The following PTCD2 variants were observed in gnomAD, a reference collection of about 807,000 sequenced individuals.
The protein encoded by PTCD2 is pentatricopeptide repeat-containing protein 2, mitochondrial.
In PTCD2, 31 loss-of-function variants were observed where a neutral mutation model predicts 42.6. The observed-to-expected ratio is 0.73, with a 90% CI of 0.55 to 0.98. PTCD2 has a LOEUF of 0.98. Ranked by LOEUF, PTCD2 falls within the 50% of genes least tolerant of loss-of-function variation. The pLI, the probability that PTCD2 is intolerant of heterozygous loss-of-function variation, is 0.00. For missense variants in PTCD2, 476 were observed against 454.8 expected, an observed-to-expected ratio of 1.05 and a Z score of -0.42; for synonymous variants, 183 against 170.9, an observed-to-expected ratio of 1.07 and a Z score of -0.55.
chr5:72,325,196 T>C (rs774114681), intron 2 of PTCD2, among the ~76,000 whole-genome samples: 47 of 152,222 alleles, frequency 3.1e-4, no homozygotes, highest in Non-Finnish European at 3.4e-4. Flanking sequence ...GTGCTGGGAT[T>C]ACAGGCCTGA....
At chr5:72,346,267 C>T (rs1231461143) in intron 8 of PTCD2, among the ~76,000 whole-genome samples, 1 of 152,088 alleles carries the variant, frequency 6.6e-6, no homozygotes, top group Non-Finnish European at 1.5e-5. Flanking sequence ...AGGGCATAAA[C>T]TTGGAGGGCA....
Position 72,358,293 on chromosome 5 carries a change from G to C in PTCD2, c.1033G>C (p.Val345Leu), listed in dbSNP as rs1262168410. The C allele has an allele frequency of 6.2e-7, 1 of 1,614,004 alleles. No individual in the cohort carries two copies. The highest frequency in any genetic ancestry group is 8.5e-7 in the Non-Finnish European group (1 of 1,179,936). Residue 345 changes from valine (V) to leucine (L), a missense_variant, in exon 10 of 10, where the codon GTC (valine) becomes CTC (leucine). By Grantham distance (32) the Val-to-Leu change is conservative. Transcript: ENST00000380639. ...IYGTLHITGQ[V>L]TTDSLDAVLC... ...TGGGACACTGCACATCACTGGCCAG[G>C]TCACCACTGATTCTTTGGATGCTGT...
intron 2 of PTCD2, among the ~76,000 whole-genome samples, chr5:72,323,645 C>G (rs919120550): frequency 1.3e-5 from 2 of 151,962 alleles, no homozygotes; most frequent in African/African-American, 4.8e-5. Flanking sequence ...CATTAACATT[C>G]TCTTTGTTTT....
In PTCD2 at chr5:72,335,846, AGATACCTAT is replaced by A; in HGVS notation, c.602_610del (p.Asp201_Tyr203del). On this transcript the variant is annotated inframe_deletion, in exon 6 of 10. Coordinates refer to ENST00000380639, the MANE Select transcript of PTCD2 (RefSeq NM_024754.5). ...AAAACCAAGATGTGAAGTTCACCAAAGATACCTATGTTCTTGCTTTTGCAATTTGCTACA... is the reference window on the plus strand; with the variant it reads ...AAAACCAAGATGTGAAGTTCACCAAAGTTCTTGCTTTTGCAATTTGCTACA... 1 of 1,613,940 alleles carries A rather than the reference AGATACCTAT, an allele frequency of 6.2e-7. No individual in the cohort carries two copies. The highest frequency in any genetic ancestry group is 8.5e-7 in the Non-Finnish European group (1 of 1,179,802).
At chr5:72,344,481 C>T (rs1262799220) in intron 8 of PTCD2, among the ~76,000 whole-genome samples, 1 of 152,090 alleles carries the variant, frequency 6.6e-6, no homozygotes, top group East Asian at 1.9e-4. Flanking sequence ...CCACTACACT[C>T]CAGCCTTGGC....
chr5:72,339,986 G>A (rs1476293), intron 7 of PTCD2, among the ~76,000 whole-genome samples: 103,553 of 151,964 alleles, frequency 0.68, 36,544 homozygotes, highest in African/African-American at 0.87. Flanking sequence ...TTTTAGCTTT[G>A]TCTCTTATAT....
intron 7 of PTCD2, among the ~76,000 whole-genome samples, chr5:72,342,535 T>C (rs1207019770): frequency 6.6e-6 from 1 of 152,228 alleles, no homozygotes; most frequent in Non-Finnish European, 1.5e-5. Flanking sequence ...TATAGAGCAC[T>C]GTCTGCCTCT....
In PTCD2 at chr5:72,358,360, T is replaced by C. The variant is rs373812659; in HGVS notation, c.1100T>C (p.Leu367Pro). 7.4e-6 allele frequency: 12 copies of C among 1,613,912 alleles called. 1 individual carries two copies. In the Admixed American group the frequency reaches 1.0e-4, roughly 13 times the overall value. ...TPRDRKSHTL[L>P]LNKRMVSRRT... ...AGGGACAGGAAATCTCACACGTTGC[T>C]ATTAAACAAGAGGATGGTCAGCCGT... The change falls in exon 10 of 10, where the codon CTA becomes CCA. Residue 367 changes from leucine (L) to proline (P), a missense_variant. Transcript: ENST00000380639.
At chr5:72,345,341 G>C (rs888600968) in intron 8 of PTCD2, among the ~76,000 whole-genome samples, 12 of 152,188 alleles carry the variant, frequency 7.9e-5, no homozygotes, top group Admixed American at 7.9e-4. Flanking sequence ...CTGTTATCCT[G>C]TTCTTTTTTC....
At position 72,362,885 on chromosome 5, in the gene PTCD2, G is replaced by T; in HGVS notation, c.*4458G>T. 6.6e-6 allele frequency: 1 copy of T among 152,202 alleles called. No individual in the cohort carries two copies. Among genetic ancestry groups the T allele is most frequent in the Non-Finnish European group, 1.5e-5 (1 of 68,032 alleles). The allele number at this position is 152,202 out of a possible 1,614,324, so 9.4% of individuals were successfully genotyped here. A position where few individuals can be genotyped will look rare whatever the true frequency, so the allele number is the denominator to read the frequency against. On this transcript the variant is annotated 3_prime_UTR_variant, in exon 10 of 10. Transcript: ENST00000380639. ...ACAGAGTGGCCAAATTCCTACTGAA[G>T]AATGGACTTGGTTGTGAAATAAAAC... is the stretch of plus-strand genomic sequence containing the variant.
chr5:72,329,144 A>G (rs1369987684), intron 3 of PTCD2, among the ~76,000 whole-genome samples: 1 of 152,188 alleles, frequency 6.6e-6, no homozygotes, highest in Non-Finnish European at 1.5e-5. Context: ...TTCTACTCTT[A>G]TTTTTATCAT....
intron 3 of PTCD2, among the ~76,000 whole-genome samples, chr5:72,327,482 T>G (rs1751208577): frequency 6.6e-6 from 1 of 151,422 alleles, no homozygotes; most frequent in East Asian, 1.9e-4. Flanking sequence ...ATTTTTTTTT[T>G]TTTTTTTGAG....
In PTCD2 at chr5:72,345,024, A is replaced by G. The variant is rs535640483; in HGVS notation, c.828+1988A>G. ...AGGAGACAGGGTTTGAGAGCAGACA[A>G]CCGGTCTGACCAAAATTTATTAGGT... On this transcript the variant is annotated intron_variant, in intron 8 of 9. Transcript: ENST00000380639. 2.4e-3 allele frequency among the ~76,000 whole-genome samples: 360 copies of G among 152,286 alleles called. 1 individual carries two copies. The highest frequency in any genetic ancestry group is 8.3e-3 in the African/African-American group (347 of 41,564).
chr5:72,337,529 C>G (rs891873890), intron 6 of PTCD2, among the ~76,000 whole-genome samples: 2 of 152,182 alleles, frequency 1.3e-5, no homozygotes, highest in African/African-American at 4.8e-5. Context: ...TGCACAGTGG[C>G]TCACACCTGT....
chr5:72,327,562 C>T (rs1751213413), intron 3 of PTCD2, among the ~76,000 whole-genome samples: 1 of 151,804 alleles, frequency 6.6e-6, no homozygotes, highest in Non-Finnish European at 1.5e-5. Flanking sequence ...CAACCTCCAC[C>T]TCCAGGTTCA....
intron 4 of PTCD2, among the ~76,000 whole-genome samples, chr5:72,332,776 C>G (rs1751509640): frequency 6.6e-6 from 1 of 152,148 alleles, no homozygotes; most frequent in Non-Finnish European, 1.5e-5. Context: ...TTGTTCCCTA[C>G]TTACAACCCT....
chr5:72,355,989 T>G (rs1447286809), intron 9 of PTCD2, among the ~76,000 whole-genome samples: 2 of 152,204 alleles, frequency 1.3e-5, no homozygotes, highest in Non-Finnish European at 2.9e-5. Context: ...ACCCAAAGGC[T>G]TCTTCCTTCT....
At chr5:72,349,775 C>G (rs1052358071) in intron 8 of PTCD2, among the ~76,000 whole-genome samples, 2 of 152,150 alleles carry the variant, frequency 1.3e-5, no homozygotes, top group African/African-American at 2.4e-5. Flanking sequence ...TAGCTGAACC[C>G]TGAGACTGGT....
intron 8 of PTCD2, among the ~76,000 whole-genome samples, chr5:72,345,629 C>A (rs1752321430): frequency 6.6e-6 from 1 of 152,186 alleles, no homozygotes; most frequent in Admixed American, 6.5e-5. Flanking sequence ...TAATAAATGT[C>A]CATGAAATCT....
Sources: allele counts gnomAD v4.1 joint callset (sites outside exome capture counted in the v4.1 genomes callset), GRCh38; gene constraint gnomAD v4.1.1; transcripts MANE v1.5; gene names NCBI Gene and HGNC (gene_info 2026-07-23, HGNC 2026-07-21).